Variants in PARD3B observed in about 807,000 individuals in gnomAD.
The protein encoded by PARD3B is partitioning defective 3 homolog B.
In PARD3B, 103 loss-of-function variants were observed where a neutral mutation model predicts 130.2. The observed-to-expected ratio is 0.79, with a 90% CI of 0.67 to 0.93. The LOEUF (loss-of-function observed/expected upper bound fraction) is 0.93, where lower values mean the gene tolerates loss of function less well. Ranked by LOEUF, PARD3B falls within the 40% of genes least tolerant of loss-of-function variation. The pLI is 0.00. For missense variants in PARD3B, 1,609 were observed against 1,499.2 expected (o/e 1.07, Z -1.21); for synonymous variants, 583 against 553.2 (o/e 1.05, Z -0.76).
intron 16 of PARD3B, among the ~76,000 whole-genome samples, chr2:205,273,285 C>A (rs2040812061): frequency 6.6e-6 from 1 of 152,172 alleles, no homozygotes; most frequent in African/African-American, 2.4e-5. Context: ...CCCTGAATTC[C>A]CACTATTGTT....
intron 3 of PARD3B, among the ~76,000 whole-genome samples, chr2:204,975,547 T>C (rs1191094102): frequency 6.6e-6 from 1 of 152,206 alleles, no homozygotes. Context: ...GTGCACTGTT[T>C]AGAAGAATGT....
intron 2 of PARD3B, among the ~76,000 whole-genome samples, chr2:204,784,596 G>T (rs1235254083): frequency 2.0e-5 from 3 of 152,128 alleles, no homozygotes; most frequent in Non-Finnish European, 2.9e-5. Context: ...AGTAAGAAGA[G>T]AAATCATTTG....
At chr2:204,762,169 C>T (rs941182235) in intron 2 of PARD3B, among the ~76,000 whole-genome samples, 11 of 122,522 alleles carry the variant, frequency 9.0e-5, no homozygotes, top group South Asian at 2.5e-4. Flanking sequence ...TCACCCAAGT[C>T]GGAGTGCAGT....
intron 22 of PARD3B, among the ~76,000 whole-genome samples, chr2:205,565,624 CTTCT>C (rs1237819939): frequency 1.3e-5 from 2 of 152,134 alleles, no homozygotes; most frequent in African/African-American, 2.4e-5. Context: ...TTTCTGGTTA[CTTCT>C]TTCTTATCCA....
chr2:204,831,173 C>T (rs1170703236), intron 2 of PARD3B, among the ~76,000 whole-genome samples: 1 of 151,874 alleles, frequency 6.6e-6, no homozygotes, highest in East Asian at 1.9e-4. Context: ...AAATTTTTTG[C>T]TTGAACTTTT....
At chr2:205,522,618 G>A (rs2051127866) in intron 21 of PARD3B, among the ~76,000 whole-genome samples, 1 of 152,118 alleles carries the variant, frequency 6.6e-6, no homozygotes, top group Non-Finnish European at 1.5e-5. Flanking sequence ...AGGTGCTGGA[G>A]GATAGCAAAG....
chr2:205,471,361 T>TTC (rs1032484782), intron 20 of PARD3B, among the ~76,000 whole-genome samples: 2 of 146,186 alleles, frequency 1.4e-5, no homozygotes, highest in African/African-American at 5.1e-5. Flanking sequence ...TTCTTTTTTT[T>TTC]TTTTTTTTTT....
At chr2:204,791,027 C>T (rs1341735553) in intron 2 of PARD3B, among the ~76,000 whole-genome samples, 1 of 152,056 alleles carries the variant, frequency 6.6e-6, no homozygotes, top group African/African-American at 2.4e-5. Context: ...ATCACTTGAA[C>T]CCGGGAAGCA....
At chr2:204,595,830 A>G (rs1480339012) in intron 1 of PARD3B, among the ~76,000 whole-genome samples, 1 of 152,234 alleles carries the variant, frequency 6.6e-6, no homozygotes, top group Non-Finnish European at 1.5e-5. Context: ...TCAGAATTTT[A>G]TTTTTAAAAG....
rs184691950 is a variant in PARD3B at position 205,467,307 on chromosome 2, C to T, written c.3044+26635C>T. 2.1e-3 allele frequency among the ~76,000 whole-genome samples: 318 copies of T among 152,224 alleles called. 2 individuals are homozygous for T. Among genetic ancestry groups the T allele is most frequent in the Middle Eastern group, 6.8e-3 (2 of 294 alleles). On this transcript the variant is annotated intron_variant, in intron 20 of 22. Coordinates refer to ENST00000406610, the MANE Select transcript of PARD3B (RefSeq NM_001302769.2). The stretch of plus-strand genomic sequence containing the variant: ...AATTCTGTGAAATGCCATTGAATTA[C>T]AATAAATAGGAAGATGTTCTCAATG...
chr2:204,934,117 G>C (rs1575347241), intron 2 of PARD3B, among the ~76,000 whole-genome samples: 1 of 152,140 alleles, frequency 6.6e-6, no homozygotes, highest in East Asian at 1.9e-4. Flanking sequence ...AGGAAGCCAG[G>C]TCTCCTGATT....
rs998409022 is a variant in PARD3B, at chr2:205,341,393, T to C, written c.2630+39692T>C. The stretch of plus-strand genomic sequence containing the variant: ...AAGAAAATGTGGTATATATACACAA[T>C]GGAATACTATTCAGCCATATAAAGA... On this transcript the variant is annotated intron_variant, in intron 18 of 22. Coordinates refer to ENST00000406610, the MANE Select transcript of PARD3B (RefSeq NM_001302769.2). The surrounding 1 kb of genome is among the most constrained non-coding windows in gnomAD (Gnocchi z 4.3). Among the ~76,000 whole-genome samples the C allele has an allele frequency of 6.6e-6, 1 of 152,122 alleles. No individual in the cohort carries two copies. Among genetic ancestry groups the C allele is most frequent in the Admixed American group, 6.6e-5 (1 of 15,266 alleles).
In PARD3B at chr2:205,142,725, A is replaced by G. The variant is rs2033062350; in HGVS notation, c.1435-15997A>G. Reference sequence around the variant, plus strand: ...AAACCCCGTCTCTACTAAAAATACAAAAATTAGCCAGGCGTGGTGGTGCGT... The same window carrying G: ...AAACCCCGTCTCTACTAAAAATACAGAAATTAGCCAGGCGTGGTGGTGCGT... On this transcript the variant is annotated intron_variant, in intron 10 of 22. Transcript: ENST00000406610. This position sits in a 1 kb window ranked among gnomAD's most constrained non-coding sequence, Gnocchi z 4.3. Among the ~76,000 whole-genome samples the G allele has an allele frequency of 1.3e-5, 2 of 151,974 alleles. No individual in the cohort carries two copies. Among genetic ancestry groups the G allele is most frequent in the Admixed American group, 1.3e-4 (2 of 15,252 alleles).
intron 14 of PARD3B, among the ~76,000 whole-genome samples, chr2:205,189,867 AGG>A (rs74453891): frequency 0.23 from 35,247 of 151,820 alleles, 4,403 homozygotes; most frequent in African/African-American, 0.33. Context: ...ACCGCAGCAA[AGG>A]GGGGGCCCTT....
chr2:205,523,298 G>A (rs999368454), intron 21 of PARD3B, among the ~76,000 whole-genome samples: 3 of 150,240 alleles, frequency 2.0e-5, no homozygotes, highest in African/African-American at 4.9e-5. Flanking sequence ...AGGATGCAGT[G>A]CAGTGGTGCA....
chr2:205,418,441 A>G (rs935894431), intron 19 of PARD3B, among the ~76,000 whole-genome samples: 1 of 14,566 alleles, frequency 6.9e-5, no homozygotes, highest in African/African-American at 2.7e-4. Flanking sequence ...GAGAGCAGAG[A>G]GACCAATACA....
rs1260182137 is a variant in PARD3B at position 205,263,944 on chromosome 2, A to G, written c.2185+18122A>G. On this transcript the variant is annotated intron_variant, in intron 16 of 22. Coordinates refer to ENST00000406610, the MANE Select transcript of PARD3B (RefSeq NM_001302769.2). The surrounding 1 kb of genome is among the most constrained non-coding windows in gnomAD (Gnocchi z 4.0). ...GACAAAGAGTAATGAGAAGTGGAAG[A>G]AGATTGTCAGAGAGAATAGGACACA... Among the ~76,000 whole-genome samples the G allele has an allele frequency of 6.6e-6, 1 of 151,194 alleles. No homozygotes were observed. Among genetic ancestry groups the G allele is most frequent in the African/African-American group, 2.4e-5 (1 of 41,152 alleles).
rs2054923937 is a variant in PARD3B, at chr2:205,604,795, G to GT, written c.3261-10660dup. Among the ~76,000 whole-genome samples the GT allele has an allele frequency of 2.0e-5, 3 of 152,166 alleles. No individual in the cohort carries two copies. In the South Asian group the frequency reaches 6.2e-4, roughly 32 times the overall value. On this transcript the variant is annotated intron_variant, in intron 22 of 22. Coordinates refer to ENST00000406610, the MANE Select transcript of PARD3B (RefSeq NM_001302769.2). The stretch of plus-strand genomic sequence containing the variant: ...AAGTTCTCCTGGATGATGTCCTGAA[G>GT]TATGTTTTCCAACGTGGTTCTGTTT...
chr2:204,629,881 T>A (rs1574579899), intron 1 of PARD3B, among the ~76,000 whole-genome samples: 1 of 152,202 alleles, frequency 6.6e-6, no homozygotes. Flanking sequence ...TACTATAGAC[T>A]TTTTTCTGAT....
Sources: allele counts gnomAD v4.1 joint callset (sites outside exome capture counted in the v4.1 genomes callset), GRCh38; gene constraint gnomAD v4.1.1; non-coding constraint Gnocchi (gnomAD v3.1); transcripts MANE v1.5; gene names NCBI Gene and HGNC (gene_info 2026-07-23, HGNC 2026-07-21).